ITGA3: variants seen among roughly 807,000 people sequenced by gnomAD.
ITGA3 encodes the protein integrin subunit alpha 3.
ITGA3 carries 70 observed loss-of-function variants against 131.1 expected under a neutral mutation model. The ratio of observed to expected loss-of-function variants is 0.53; its 90% CI spans 0.44 to 0.65. ITGA3 has a LOEUF of 0.65. ITGA3 is among the 30% of genes least tolerant of loss of function. The pLI, the probability that ITGA3 is intolerant of heterozygous loss-of-function variation, is 0.00. For missense variants in ITGA3, 1,098 were observed against 1,388.6 expected, an observed-to-expected ratio of 0.79 and a Z score of 3.33; for synonymous variants, 537 against 571.6, an observed-to-expected ratio of 0.94 and a Z score of 0.86.
chr17:50,085,979 TTTATAATATATATTAGATTATAC>T (rs1170901177), intron 23 of ITGA3, among the ~76,000 whole-genome samples: 4 of 139,864 alleles, frequency 2.9e-5, no homozygotes, highest in African/African-American at 5.2e-5. Context: ...ATATTATAGA[TTTATAATATATATTAGATTATAC>T]ATATTATAGA....
chr17:50,074,562 C>T lies in ITGA3; in HGVS notation c.1469+28C>T, dbSNP rs182160956. ...GAGATTGTTCTGCCCACCTACTCCTCATTTATTTATAGGGAGGCTAGGAGG... is the reference window on the plus strand; with the variant it reads ...GAGATTGTTCTGCCCACCTACTCCTTATTTATTTATAGGGAGGCTAGGAGG... On this transcript the variant is annotated intron_variant, in intron 10 of 25. Transcript: ENST00000320031. The T allele has an allele frequency of 3.9e-5, 59 of 1,521,170 alleles. No homozygotes were observed. In the African/African-American group the frequency reaches 7.1e-4, roughly 18 times the overall value. 94.2% of individuals were successfully genotyped at this position (1,521,170 alleles called of 1,614,324 possible).
Position 50,075,673 on chromosome 17 carries a change from G to GT in ITGA3, c.1613dup (p.Phe539LeufsTer25). 1 of 1,614,208 alleles carries GT rather than the reference G, an allele frequency of 6.2e-7. No homozygotes were observed. The highest frequency in any genetic ancestry group is 8.5e-7 in the Non-Finnish European group (1 of 1,180,038). ...CCGCTTTGCCGGCAGTGAGTCCGCTGTCTTCCACGGCTTCTTCTCCATGCC... is the reference window on the plus strand; with the variant it reads ...CCGCTTTGCCGGCAGTGAGTCCGCTGTTCTTCCACGGCTTCTTCTCCATGCC... On this transcript the variant is annotated frameshift_variant, in exon 12 of 26. Transcript: ENST00000320031. LOFTEE classifies it high-confidence loss of function.
chr17:50,062,329 G>A (rs1174362532), intron 1 of ITGA3, among the ~76,000 whole-genome samples: 3 of 152,194 alleles, frequency 2.0e-5, no homozygotes, highest in South Asian at 2.1e-4. Context: ...ACCCAGGTCC[G>A]TGGGTTCTCA....
At chr17:50,062,993 T>G (rs181260776) in intron 1 of ITGA3, among the ~76,000 whole-genome samples, 3 of 150,136 alleles carry the variant, frequency 2.0e-5, no homozygotes, top group Admixed American at 2.0e-4. Flanking sequence ...GTGCACCAGA[T>G]TCCACCAGAT....
In ITGA3 at chr17:50,074,521, A is replaced by T; in HGVS notation, c.1456A>T (p.Thr486Ser). 6.2e-7 allele frequency: 1 copy of T among 1,612,814 alleles called. No individual in the cohort carries two copies. Among genetic ancestry groups the T allele is most frequent in the Middle Eastern group, 1.7e-4 (1 of 6,056 alleles). The part of the protein sequence containing the change: ...RPAVLDPALC[T>S]ATSCVQVELC... ...AGCTGTGCTGGACCCTGCACTTTGC[A>T]CGGCCACCTCTTGGTGAGATTGTTC... Residue 486 changes from threonine (T) to serine (S), a missense_variant, in exon 10 of 26, where the codon ACG becomes TCG. Physicochemically the swap from Thr to Ser is moderately conservative, Grantham distance 58. Transcript: ENST00000320031.
Position 50,074,216 on chromosome 17 carries a change from G to A in ITGA3, c.1318G>A (p.Val440Met). ...FGYSLSGQMD[V>M]DENFYPDLLV... ...CTATTCCCTCAGTGGGCAGATGGAT[G>A]TGGATGAGAACTTCTACCCAGACCT... Residue 440 changes from valine (V) to methionine (M), a missense_variant, in exon 9 of 26, where the codon GTG (valine) becomes ATG (methionine). This residue lies in a region of ITGA3 where 699 missense variants were observed against 829.2 expected (regional missense o/e 0.84). Coordinates refer to ENST00000320031, the MANE Select transcript of ITGA3 (RefSeq NM_002204.4). 4 of 1,614,210 alleles carry A rather than the reference G, an allele frequency of 2.5e-6. No homozygotes were observed. In the South Asian group the frequency reaches 3.3e-5, roughly 13 times the overall value.
chr17:50,072,732 A>G (rs1378520677), intron 7 of ITGA3, among the ~76,000 whole-genome samples: 1 of 152,128 alleles, frequency 6.6e-6, no homozygotes, highest in Non-Finnish European at 1.5e-5. Flanking sequence ...GATTGCAGGG[A>G]TGGAGCAAGG....
At chr17:50,075,412 C>A in intron 10 of ITGA3, 47 bp from the exon 11 acceptor site, 1 of 1,587,928 alleles carries the variant, frequency 6.3e-7, no homozygotes, top group Non-Finnish European at 8.6e-7. Context: ...AGGGCCTGGA[C>A]GTGTGTGTCC....
At chr17:50,075,822 G>T in intron 12 of ITGA3, 87 bp downstream of exon 12, 2 of 1,418,908 alleles carry the variant, frequency 1.4e-6, no homozygotes, top group Admixed American at 1.8e-5. Context: ...GTGAGGGACG[G>T]GGGTCTCCCC....
chr17:50,064,369 T>C lies in ITGA3; in HGVS notation c.335-159T>C. The C allele has an allele frequency of 8.9e-7, 1 of 1,122,804 alleles. No individual in the cohort carries two copies. Among genetic ancestry groups the C allele is most frequent in the Non-Finnish European group, 1.3e-6 (1 of 787,850 alleles). 69.6% of individuals were successfully genotyped at this position (1,122,804 alleles called of 1,614,324 possible). A position where few individuals can be genotyped will look rare whatever the true frequency, so the allele number is the denominator to read the frequency against. On this transcript the variant is annotated intron_variant, in intron 2 of 25. Coordinates refer to ENST00000320031, the MANE Select transcript of ITGA3 (RefSeq NM_002204.4). The surrounding 1 kb of genome is among the most constrained non-coding windows in gnomAD (Gnocchi z 4.4). ...TAGAGGAGAGTGGGGCTGGATGGGA[T>C]TGGTAGAGCTCAGAATAATGACGAG...
Position 50,089,816 on chromosome 17 carries a change from A to C in ITGA3, c.*738A>C, listed in dbSNP as rs945895432. The C allele has an allele frequency of 2.6e-4, 44 of 168,216 alleles. No homozygotes were observed. Among genetic ancestry groups the C allele is most frequent in the Non-Finnish European group, 5.2e-4 (40 of 76,856 alleles). 10.4% of individuals were successfully genotyped at this position (168,216 alleles called of 1,614,324 possible). ...TAAGGTTGTCTACGGGGGCACTTGGAGGACCTGGCGTGCTCAGACCCAACA... is the reference window on the plus strand; with the variant it reads ...TAAGGTTGTCTACGGGGGCACTTGGCGGACCTGGCGTGCTCAGACCCAACA... On this transcript the variant is annotated 3_prime_UTR_variant, in exon 26 of 26. Coordinates refer to ENST00000320031, the MANE Select transcript of ITGA3 (RefSeq NM_002204.4).
chr17:50,063,897 A>C, intron 1 of ITGA3, 180 bp from the exon 2 acceptor site: 4 of 745,464 alleles, frequency 5.4e-6, no homozygotes, highest in Non-Finnish European at 6.4e-6. Context: ...CTCCCGGGGC[A>C]CTTCCTTCTA....
intron 18 of ITGA3, 81 bp downstream of exon 18, chr17:50,078,365 C>T: frequency 2.6e-6 from 3 of 1,136,788 alleles, no homozygotes; most frequent in East Asian, 4.7e-5. Context: ...ATCTCCCAAA[C>T]TCCTCTGACC....
chr17:50,080,423 G>A, intron 22 of ITGA3, 48 bp downstream of exon 22: 1 of 1,149,986 alleles, frequency 8.7e-7, no homozygotes, highest in Non-Finnish European at 1.3e-6. Flanking sequence ...CCCTGAGGGG[G>A]AGAACAACAG....
intron 24 of ITGA3, 94 bp downstream of exon 24, chr17:50,087,963 T>C (rs1909537032): frequency 7.0e-7 from 1 of 1,437,996 alleles, no homozygotes; most frequent in Non-Finnish European, 9.3e-7. Flanking sequence ...GGTCCTCCCT[T>C]CCATCTCACC....
chr17:50,078,309 C>G, intron 18 of ITGA3, 25 bp downstream of exon 18: 1 of 1,593,620 alleles, frequency 6.3e-7, no homozygotes, highest in African/African-American at 1.3e-5. Flanking sequence ...CCACCACCCC[C>G]ACCCCAGCCT....
chr17:50,078,966 G>A lies in ITGA3; in HGVS notation c.2400+40G>A, dbSNP rs1002009182. The A allele has an allele frequency of 4.6e-6, 7 of 1,532,810 alleles. No homozygotes were observed. The African/African-American group carries it at 9.6e-5, about 21-fold the overall frequency. 95.0% of individuals were successfully genotyped at this position (1,532,810 alleles called of 1,614,324 possible). A position where few individuals can be genotyped will look rare whatever the true frequency, so the allele number is the denominator to read the frequency against. Reference sequence around the variant, plus strand: ...AGAGTCCTGGGCTGGGGACTTCTAGGAAGGATTATTTTTATTTTCTCTGGG... The same window carrying A: ...AGAGTCCTGGGCTGGGGACTTCTAGAAAGGATTATTTTTATTTTCTCTGGG... On this transcript the variant is annotated intron_variant, in intron 19 of 25. Transcript: ENST00000320031.
Position 50,077,432 on chromosome 17 carries a change from C to G in ITGA3, c.2124C>G (p.Phe708Leu), listed in dbSNP as rs150859050. 3 of 1,613,746 alleles carry G rather than the reference C, an allele frequency of 1.9e-6. No homozygotes were observed. The highest frequency in any genetic ancestry group is 2.5e-6 in the Non-Finnish European group (3 of 1,179,752). The change falls in exon 16 of 26, where the codon TTC (phenylalanine) becomes TTG (leucine). Residue 708 changes from phenylalanine to leucine, a missense_variant. By Grantham distance (22) the Phe-to-Leu change is conservative. Transcript: ENST00000320031. ...ETIFCELGNP[F>L]KRNQRMELLI... ...TCTTTTGCGAGCTGGGGAACCCCTT[C>G]AAACGGAACCAGAGGGTGAGCACCG...
Position 50,090,167 on chromosome 17 carries a change from G to C in ITGA3, c.*1089G>C. ...GACACTTGAATGTAGAATAGGCAGG[G>C]GGCCCTGCCCCACCCCATCCAGCCA... On this transcript the variant is annotated 3_prime_UTR_variant, in exon 26 of 26. Transcript: ENST00000320031. 1 of 443,864 alleles carries C rather than the reference G, an allele frequency of 2.3e-6. No homozygotes were observed. The highest frequency in any genetic ancestry group is 1.6e-5 in the South Asian group (1 of 64,064). The allele number at this position is 443,864 out of a possible 1,614,324, so 27.5% of individuals were successfully genotyped here.
Sources: allele counts gnomAD v4.1 joint callset (sites outside exome capture counted in the v4.1 genomes callset), GRCh38; gene constraint gnomAD v4.1.1; regional missense constraint gnomAD v4.1.1; non-coding constraint Gnocchi (gnomAD v3.1); transcripts MANE v1.5; gene names NCBI Gene and HGNC (gene_info 2026-07-23, HGNC 2026-07-21).